Variants in ZC3H12D observed in about 807,000 individuals in gnomAD.
ZC3H12D encodes the protein probable ribonuclease ZC3H12D.
ZC3H12D carries 11 observed loss-of-function variants against 24.2 expected under a neutral mutation model. The ratio of observed to expected loss-of-function variants is 0.46; its 90% CI spans 0.29 to 0.75. ZC3H12D has a LOEUF of 0.75. Ranked by LOEUF, ZC3H12D falls within the 30% of genes least tolerant of loss-of-function variation. The pLI is 0.11. For synonymous variants in ZC3H12D, 333 were observed against 341.8 expected (o/e 0.97, Z 0.28); for missense variants, 740 against 767.7 (o/e 0.96, Z 0.43).
At position 149,450,968 on chromosome 6, in the gene ZC3H12D, G is replaced by C; in HGVS notation, c.1299C>G (p.Pro433=). Reference sequence around the variant, plus strand: ...GGGGTGGACGGGCCCACGGGTCGTCGGGTGGCCTGCGCGGGGAAAGCAAGT... The same window carrying C: ...GGGGTGGACGGGCCCACGGGTCGTCCGGTGGCCTGCGCGGGGAAAGCAAGT... ...HGDLLSPRRP[P]DDPWARPPRS... is the part of the protein sequence containing the mutation. The change falls in exon 6 of 6, where the codon CCC becomes CCG. Residue 433 remains proline, a synonymous_variant. Coordinates refer to ENST00000409806, the MANE Select transcript of ZC3H12D (RefSeq NM_207360.3). 1 of 1,523,970 alleles carries C rather than the reference G, an allele frequency of 6.6e-7. No individual in the cohort carries two copies. The highest frequency in any genetic ancestry group is 8.8e-7 in the Non-Finnish European group (1 of 1,137,970). 94.4% of individuals were successfully genotyped at this position (1,523,970 alleles called of 1,614,324 possible). A position where few individuals can be genotyped will look rare whatever the true frequency, so the allele number is the denominator to read the frequency against.
At chr6:149,463,792 GA>G in intron 2 of ZC3H12D, among the ~76,000 whole-genome samples, 1 of 152,298 alleles carries the variant, frequency 6.6e-6, no homozygotes, top group South Asian at 2.1e-4. Flanking sequence ...CAAATCTCCA[GA>G]ACTCAATGAC....
At position 149,450,855 on chromosome 6, in the gene ZC3H12D, T is replaced by TCGGTCG; in HGVS notation, c.1406_1411dup (p.Ala469_Thr470dup). Reference sequence around the variant, plus strand: ...GGCGCGCGCGTCCCCCTCGTCGTCCTCGGTCGCGTACACTGAAAGTCCCCC... The same window carrying TCGGTCG: ...GGCGCGCGCGTCCCCCTCGTCGTCCTCGGTCGCGGTCGCGTACACTGAAAGTCCCCC... On this transcript the variant is annotated inframe_insertion, in exon 6 of 6. Coordinates refer to ENST00000409806, the MANE Select transcript of ZC3H12D (RefSeq NM_207360.3). 1.3e-6 allele frequency: 2 copies of TCGGTCG among 1,543,826 alleles called. No homozygotes were observed. The highest frequency in any genetic ancestry group is 1.2e-5 in the South Asian group (1 of 84,036).
At chr6:149,458,870 T>C (rs1776029937) in intron 3 of ZC3H12D, among the ~76,000 whole-genome samples, 1 of 152,218 alleles carries the variant, frequency 6.6e-6, no homozygotes, top group East Asian at 1.9e-4. Context: ...CATATGTTTG[T>C]ATGTTTATAT....
chr6:149,456,623 G>GCCCCCCCCCCCCCCCCCCC lies in ZC3H12D; in HGVS notation c.680+42_680+43insGGGGGGGGGGGGGGGGGGG. 1.3e-6 allele frequency: 1 copy of GCCCCCCCCCCCCCCCCCCC among 744,590 alleles called. No individual in the cohort carries two copies. Among genetic ancestry groups the GCCCCCCCCCCCCCCCCCCC allele is most frequent in the Non-Finnish European group, 2.2e-6 (1 of 456,108 alleles). 46.1% of individuals were successfully genotyped at this position (744,590 alleles called of 1,614,324 possible). On this transcript the variant is annotated intron_variant, in intron 4 of 5. Coordinates refer to ENST00000409806, the MANE Select transcript of ZC3H12D (RefSeq NM_207360.3). This position sits in a 1 kb window ranked among gnomAD's most constrained non-coding sequence, Gnocchi z 4.3. ...GCCACTGCCTCGACCCCGGCCCCCCGCCCCGCCGCCCCCCAGGGTGTCAGG... is the reference window on the plus strand; with the variant it reads ...GCCACTGCCTCGACCCCGGCCCCCCGCCCCCCCCCCCCCCCCCCCCCCCGCCGCCCCCCAGGGTGTCAGG...
rs61206923 is a variant in ZC3H12D at position 149,449,925 on chromosome 6, C to CTGCGTGTGTGTGTGTGTGTGTGTGTGTG, written c.*757_*758insCACACACACACACACACACACACACGCA. ...TGTGAGTATGTACATGTATGATAGA[C>CTGCGTGTGTGTGTGTGTGTGTGTGTGTG]TGTGTGTGTGTGTGTGTGTGTGTGT... On this transcript the variant is annotated 3_prime_UTR_variant, in exon 6 of 6. Transcript: ENST00000409806. The CTGCGTGTGTGTGTGTGTGTGTGTGTGTG allele has an allele frequency of 5.6e-5, 8 of 143,990 alleles. No individual in the cohort carries two copies. The highest frequency in any genetic ancestry group is 2.1e-4 in the East Asian group (1 of 4,756). The allele number at this position is 143,990 out of a possible 1,614,324, so 8.9% of individuals were successfully genotyped here. A position where few individuals can be genotyped will look rare whatever the true frequency, so the allele number is the denominator to read the frequency against.
At chr6:149,471,175 A>G (rs980588687) in intron 2 of ZC3H12D, among the ~76,000 whole-genome samples, 7 of 152,154 alleles carry the variant, frequency 4.6e-5, no homozygotes, top group African/African-American at 7.2e-5. Context: ...CACTCTGTCA[A>G]CCTCCAGAGA....
chr6:149,463,149 A>C (rs554042120), intron 2 of ZC3H12D, among the ~76,000 whole-genome samples: 11 of 152,324 alleles, frequency 7.2e-5, no homozygotes, highest in African/African-American at 2.6e-4. Flanking sequence ...TAAGACAGAT[A>C]GGAGTAGCCA....
In ZC3H12D at chr6:149,466,876, AAAAATAAAATAAAAT is replaced by A. The variant is rs149349012; in HGVS notation, c.306-4921_306-4907del. ...GGGTGACAGAGCAAGACTCCATCTC[AAAAATAAAATAAAAT>A]AAAATAAAATAAAATAAAATAAAAT... is the stretch of plus-strand genomic sequence containing the variant. On this transcript the variant is annotated intron_variant, in intron 2 of 5. Coordinates refer to ENST00000409806, the MANE Select transcript of ZC3H12D (RefSeq NM_207360.3). Among the ~76,000 whole-genome samples the A allele has an allele frequency of 8.0e-3, 1,143 of 142,960 alleles. 12 individuals carry two copies. The highest frequency in any genetic ancestry group is 0.012 in the African/African-American group (461 of 38,738). The allele number at this position is 142,960 out of a possible 152,430, so 93.8% of individuals were successfully genotyped here.
chr6:149,463,658 G>A (rs1182412086), intron 2 of ZC3H12D, among the ~76,000 whole-genome samples: 4 of 152,222 alleles, frequency 2.6e-5, no homozygotes, highest in East Asian at 1.9e-4. Flanking sequence ...GTAGTGAGCC[G>A]AGATCGCGCC....
At chr6:149,469,640 T>C (rs948285955) in intron 2 of ZC3H12D, among the ~76,000 whole-genome samples, 2 of 152,198 alleles carry the variant, frequency 1.3e-5, no homozygotes, top group African/African-American at 2.4e-5. Context: ...CCCGAGCTGA[T>C]GTCCCTCTCT....
chr6:149,474,040 C>G (rs942435091), intron 2 of ZC3H12D, among the ~76,000 whole-genome samples, 199 bp downstream of exon 2: 11 of 152,130 alleles, frequency 7.2e-5, no homozygotes, highest in African/African-American at 2.7e-4. Context: ...CCCAACCGTA[C>G]AGATGGGAAA....
intron 5 of ZC3H12D, among the ~76,000 whole-genome samples, chr6:149,451,847 G>A (rs1775901904): frequency 6.6e-6 from 1 of 152,242 alleles, no homozygotes. Flanking sequence ...TGTGGATAGG[G>A]CCAGGCTTAG....
Position 149,452,365 on chromosome 6 carries a change from T to C in ZC3H12D, c.787+251A>G, listed in dbSNP as rs565480249. On this transcript the variant is annotated intron_variant, in intron 5 of 5. Coordinates refer to ENST00000409806, the MANE Select transcript of ZC3H12D (RefSeq NM_207360.3). This position sits in a 1 kb window ranked among gnomAD's most constrained non-coding sequence, Gnocchi z 4.0. The stretch of plus-strand genomic sequence containing the variant: ...AGGCTCCCGGCTTCTCAGACACAGC[T>C]TTGCTGTGTGCATGACCCCTGCATC... 1.9e-4 allele frequency: 80 copies of C among 414,074 alleles called. 1 individual carries two copies. The South Asian group carries it at 4.8e-3, about 25-fold the overall frequency. 25.6% of individuals were successfully genotyped at this position (414,074 alleles called of 1,614,324 possible). A position where few individuals can be genotyped will look rare whatever the true frequency, so the allele number is the denominator to read the frequency against.
rs760201038 is a variant in ZC3H12D at position 149,452,714 on chromosome 6, G to T, written c.689C>A (p.Pro230Gln). 6 of 1,602,084 alleles carry T rather than the reference G, an allele frequency of 3.7e-6. No homozygotes were observed. Among genetic ancestry groups the T allele is most frequent in the Non-Finnish European group, 5.1e-6 (6 of 1,175,582 alleles). The change falls in exon 5 of 6, where the codon CCG becomes CAG. Residue 230 changes from proline (P) to glutamine (Q), a missense_variant. Coordinates refer to ENST00000409806, the MANE Select transcript of ZC3H12D (RefSeq NM_207360.3). This position sits in a 1 kb window ranked among gnomAD's most constrained non-coding sequence, Gnocchi z 4.0. ...MFSFVNDRFM[P>Q]PDDPLGRHGP... ...ATGGCGGCCCAGGGGGTCATCAGGC[G>T]GCATGAACCTGGAAAATAAGCACAG...
rs1041620018 is a variant in ZC3H12D at position 149,448,401 on chromosome 6, T to C, written c.*2282A>G. 1 of 151,766 alleles carries C rather than the reference T, an allele frequency of 6.6e-6. No individual in the cohort carries two copies. The highest frequency in any genetic ancestry group is 2.4e-5 in the African/African-American group (1 of 41,280). 9.4% of individuals were successfully genotyped at this position (151,766 alleles called of 1,614,324 possible). On this transcript the variant is annotated 3_prime_UTR_variant, in exon 6 of 6. Transcript: ENST00000409806. ...TTTACAAAAAATAGAAAAAATTAGC[T>C]GGACGTGGTGGCACAACTGTAGTCC...
In ZC3H12D at chr6:149,456,622, C is replaced by CCCCCCCCCCCCCCCCCCGGGGGGGCG; in HGVS notation, c.680+43_680+44insCGCCCCCCCGGGGGGGGGGGGGGGGG. On this transcript the variant is annotated intron_variant, in intron 4 of 5. Transcript: ENST00000409806. The surrounding 1 kb of genome is among the most constrained non-coding windows in gnomAD (Gnocchi z 4.3). ...GGCCACTGCCTCGACCCCGGCCCCC[C>CCCCCCCCCCCCCCCCCCGGGGGGGCG]GCCCCGCCGCCCCCCAGGGTGTCAG... 7.6e-7 allele frequency: 1 copy of CCCCCCCCCCCCCCCCCCGGGGGGGCG among 1,314,360 alleles called. No homozygotes were observed. Among genetic ancestry groups the CCCCCCCCCCCCCCCCCCGGGGGGGCG allele is most frequent in the Non-Finnish European group, 1.1e-6 (1 of 921,308 alleles). The allele number at this position is 1,314,360 out of a possible 1,614,324, so 81.4% of individuals were successfully genotyped here.
At chr6:149,466,034 G>A (rs189065644) in intron 2 of ZC3H12D, among the ~76,000 whole-genome samples, 1 of 152,262 alleles carries the variant, frequency 6.6e-6, no homozygotes, top group African/African-American at 2.4e-5. Flanking sequence ...TGACTTGGAG[G>A]AGAAGTGAGT....
rs1775780637 is a variant in ZC3H12D, at chr6:149,446,841, G to A, written c.*3842C>T. ...TTTATTTGGAAGAATGCCAATTAGA[G>A]TGGCTTGTCTTGCTTCTACTCCTCA... On this transcript the variant is annotated 3_prime_UTR_variant, in exon 6 of 6. Coordinates refer to ENST00000409806, the MANE Select transcript of ZC3H12D (RefSeq NM_207360.3). The A allele has an allele frequency of 2.0e-5, 3 of 152,240 alleles. No individual in the cohort carries two copies. Among genetic ancestry groups the A allele is most frequent in the Non-Finnish European group, 1.5e-5 (1 of 68,082 alleles). The allele number at this position is 152,240 out of a possible 1,614,324, so 9.4% of individuals were successfully genotyped here. A position where few individuals can be genotyped will look rare whatever the true frequency, so the allele number is the denominator to read the frequency against.
intron 1 of ZC3H12D, among the ~76,000 whole-genome samples, chr6:149,478,958 G>C (rs1383485626): frequency 1.3e-5 from 2 of 152,204 alleles, no homozygotes; most frequent in African/African-American, 4.8e-5. Context: ...AGGCTGCCGA[G>C]GTTGTCACAA....
Sources: allele counts gnomAD v4.1 joint callset (sites outside exome capture counted in the v4.1 genomes callset), GRCh38; gene constraint gnomAD v4.1.1; non-coding constraint Gnocchi (gnomAD v3.1); transcripts MANE v1.5; gene names NCBI Gene and HGNC (gene_info 2026-07-23, HGNC 2026-07-21).